The following MAS1 variants were observed in gnomAD, a reference collection of about 807,000 sequenced individuals.
MAS1 encodes proto-oncogene Mas.
For missense variants in MAS1, 387 were observed against 409.7 expected, an observed-to-expected ratio of 0.94 and a Z score of 0.48; for synonymous variants, 163 against 164.2, an observed-to-expected ratio of 0.99 and a Z score of 0.05.
At position 159,917,097 on chromosome 6, in the gene MAS1, A is replaced by T. The variant is rs1028423641; in HGVS notation, c.*9164A>T. ...GTGTTTTGGGAATTCCCCATTCTGA[A>T]ATGGTCTCCAGTGTGGCTGCAGCAC... On this transcript the variant is annotated 3_prime_UTR_variant, in exon 3 of 3. Transcript: ENST00000674077. Among the ~76,000 whole-genome samples, 1 of 152,098 alleles carries T rather than the reference A, an allele frequency of 6.6e-6. No homozygotes were observed. The highest frequency in any genetic ancestry group is 2.4e-5 in the African/African-American group (1 of 41,408).
intron 1 of MAS1, among the ~76,000 whole-genome samples, chr6:159,893,306 G>A (rs1298657544): frequency 2.6e-5 from 4 of 152,212 alleles, no homozygotes; most frequent in Non-Finnish European, 4.4e-5. Context: ...GTGCTGGGCA[G>A]GGCAGGATAT....
rs139821807 is a variant in MAS1 at position 159,908,361 on chromosome 6, A to C, written c.*428A>C. 8.5e-3 allele frequency: 1,318 copies of C among 154,304 alleles called. 13 individuals are homozygous for C. The highest frequency in any genetic ancestry group is 0.012 in the Non-Finnish European group (836 of 69,528). 9.6% of individuals were successfully genotyped at this position (154,304 alleles called of 1,614,324 possible). ...TTCTCACTCATAAAATGGTTGCGGC[A>C]ATAGTCTATACCTCCTTGGTCTGCT... On this transcript the variant is annotated 3_prime_UTR_variant, in exon 3 of 3. Coordinates refer to ENST00000674077, the MANE Select transcript of MAS1 (RefSeq NM_002377.4).
chr6:159,916,421 CACA>C lies in MAS1; in HGVS notation c.*8493_*8495del, dbSNP rs1374879430. The stretch of plus-strand genomic sequence containing the variant: ...ATGAAAATGTTCTGGGGATCTATTG[CACA>C]ACAATGGACATGTAGCTAACCCCAC... On this transcript the variant is annotated 3_prime_UTR_variant, in exon 3 of 3. Transcript: ENST00000674077. The C allele has an allele frequency of 5.3e-5, 8 of 152,230 alleles. No homozygotes were observed. The East Asian group carries it at 1.5e-3, about 29-fold the overall frequency. 9.4% of individuals were successfully genotyped at this position (152,230 alleles called of 1,614,324 possible).
chr6:159,907,013 G>T lies in MAS1; in HGVS notation c.58G>T (p.Gly20Cys), dbSNP rs757715611. The T allele has an allele frequency of 4.3e-6, 7 of 1,613,360 alleles. No homozygotes were observed. The South Asian group carries it at 7.7e-5, about 18-fold the overall frequency. ...TGAGGAACCCACGAACATCTCAACTGGCAGGAACGCCTCAGTCGGGAATGC... is the reference window on the plus strand; with the variant it reads ...TGAGGAACCCACGAACATCTCAACTTGCAGGAACGCCTCAGTCGGGAATGC... ...VVEEPTNIST[G>C]RNASVGNAHR... The change falls in exon 3 of 3, where the codon GGC becomes TGC. Residue 20 changes from glycine to cysteine, a missense_variant. Gly to Cys is a radical substitution (Grantham distance 159, BLOSUM62 -3). Transcript: ENST00000674077.
chr6:159,908,600 C>T lies in MAS1; in HGVS notation c.*667C>T, dbSNP rs1008809344. On this transcript the variant is annotated 3_prime_UTR_variant, in exon 3 of 3. Transcript: ENST00000674077. ...TTTTTACATGTTGAATGTAAATTTA[C>T]GAAGGTCTTCTTTTTGCTTGCAGCA... 1.3e-5 allele frequency: 2 copies of T among 151,114 alleles called. No homozygotes were observed. Among genetic ancestry groups the T allele is most frequent in the Admixed American group, 6.6e-5 (1 of 15,126 alleles). The allele number at this position is 151,114 out of a possible 1,614,324, so 9.4% of individuals were successfully genotyped here.
chr6:159,898,291 G>A (rs1262343299), intron 1 of MAS1, among the ~76,000 whole-genome samples: 1 of 151,966 alleles, frequency 6.6e-6, no homozygotes, highest in Non-Finnish European at 1.5e-5. Flanking sequence ...CTTAAGTATA[G>A]AGAGGCTGTA....
chr6:159,910,577 T>C lies in MAS1; in HGVS notation c.*2644T>C, dbSNP rs1005947256. The stretch of plus-strand genomic sequence containing the variant: ...CTCCTTGAGGGCAGGGACGTAGCTT[T>C]GCTCACTGCTGTAGCCCCAGCTTAT... On this transcript the variant is annotated 3_prime_UTR_variant, in exon 3 of 3. Transcript: ENST00000674077. 1.3e-5 allele frequency: 2 copies of C among 152,320 alleles called. No individual in the cohort carries two copies. The highest frequency in any genetic ancestry group is 6.5e-5 in the Admixed American group (1 of 15,292). 9.4% of individuals were successfully genotyped at this position (152,320 alleles called of 1,614,324 possible). A position where few individuals can be genotyped will look rare whatever the true frequency, so the allele number is the denominator to read the frequency against.
intron 2 of MAS1, among the ~76,000 whole-genome samples, chr6:159,905,360 G>C (rs572725345): frequency 6.6e-6 from 1 of 152,166 alleles, no homozygotes; most frequent in Non-Finnish European, 1.5e-5. Flanking sequence ...GTTCTTTTCC[G>C]GGTCTCTGTC....
Position 159,907,093 on chromosome 6 carries a change from G to A in MAS1, c.138G>A (p.Gly46=), listed in dbSNP as rs772645660. The change falls in exon 3 of 3, where the codon GGG becomes GGA. Residue 46 remains glycine (G), a synonymous_variant. Transcript: ENST00000674077. The part of the protein sequence containing the change: ...HWVIMSISPV[G]FVENGILLWF... ...TCATTATGAGCATCTCCCCAGTGGG[G>A]TTTGTTGAGAATGGGATTCTCCTCT... The A allele has an allele frequency of 3.7e-6, 6 of 1,614,206 alleles. No individual in the cohort carries two copies. Among genetic ancestry groups the A allele is most frequent in the East Asian group, 2.2e-5 (1 of 44,884 alleles).
rs1209100240 is a variant in MAS1 at position 159,907,303 on chromosome 6, C to G, written c.348C>G (p.Tyr116Ter). 12 of 1,614,212 alleles carry G rather than the reference C, an allele frequency of 7.4e-6. No individual in the cohort carries two copies. Among genetic ancestry groups the G allele is most frequent in the Non-Finnish European group, 1.0e-5 (12 of 1,180,052 alleles). The stretch of plus-strand genomic sequence containing the variant: ...TATCAGTGACTTTTCTGTTTGGCTA[C>G]AACACGGGCCTCTATCTGCTGACGG... ...VTLSVTFLFG[Y>*]NTGLYLLTAI... is the part of the protein sequence containing the mutation. Residue 116 changes from tyrosine (Y) to a stop codon, truncating the protein, a stop_gained, in exon 3 of 3, where the codon TAC (tyrosine) becomes TAG (stop). Transcript: ENST00000674077. LOFTEE classifies it low-confidence loss of function (END_TRUNC).
rs1290834488 is a variant in MAS1, at chr6:159,912,158, C to G, written c.*4225C>G. 1 of 152,306 alleles carries G rather than the reference C, an allele frequency of 6.6e-6. No individual in the cohort carries two copies. Among genetic ancestry groups the G allele is most frequent in the Admixed American group, 6.5e-5 (1 of 15,280 alleles). The allele number at this position is 152,306 out of a possible 1,614,324, so 9.4% of individuals were successfully genotyped here. ...AGATGAGCAACTGGAGAGCCACCAGCAGCCATCCCCTCTCTTTGTGCCTCA... is the reference window on the plus strand; with the variant it reads ...AGATGAGCAACTGGAGAGCCACCAGGAGCCATCCCCTCTCTTTGTGCCTCA... On this transcript the variant is annotated 3_prime_UTR_variant, in exon 3 of 3. Coordinates refer to ENST00000674077, the MANE Select transcript of MAS1 (RefSeq NM_002377.4).
chr6:159,895,532 C>T (rs1782745786), intron 1 of MAS1, among the ~76,000 whole-genome samples: 1 of 152,066 alleles, frequency 6.6e-6, no homozygotes. Flanking sequence ...GCCATATTTA[C>T]AAATGTTTCT....
In MAS1 at chr6:159,907,339, G is replaced by A. The variant is rs1338135646; in HGVS notation, c.384G>A (p.Val128=). ...TCTATCTGCTGACGGCCATTAGTGT[G>A]GAGAGGTGCCTGTCAGTCCTTTACC... is the stretch of plus-strand genomic sequence containing the variant. ...TGLYLLTAIS[V]ERCLSVLYPI... The change falls in exon 3 of 3, where the codon GTG becomes GTA. Residue 128 remains valine, a synonymous_variant. Transcript: ENST00000674077. 14 of 1,614,146 alleles carry A rather than the reference G, an allele frequency of 8.7e-6. No individual in the cohort carries two copies. Among genetic ancestry groups the A allele is most frequent in the Admixed American group, 1.7e-5 (1 of 60,022 alleles).
chr6:159,901,106 C>T (rs1194249415), intron 2 of MAS1, among the ~76,000 whole-genome samples: 3 of 152,158 alleles, frequency 2.0e-5, no homozygotes, highest in African/African-American at 7.2e-5. Flanking sequence ...TTCCTCTGTG[C>T]CCTCACAGAG....
Position 159,899,329 on chromosome 6 carries a change from A to G in MAS1, c.-100A>G, listed in dbSNP as rs932452737. ...GGTTTCCATTGCAGTGTAACTGACC[A>G]CTCCAGGGGCCACTGAGGGCTGTCA... is the stretch of plus-strand genomic sequence containing the variant. On this transcript the variant is annotated 5_prime_UTR_variant, in exon 2 of 3. Coordinates refer to ENST00000674077, the MANE Select transcript of MAS1 (RefSeq NM_002377.4). 1.3e-5 allele frequency: 2 copies of G among 152,036 alleles called. No homozygotes were observed. The highest frequency in any genetic ancestry group is 2.9e-5 in the Non-Finnish European group (2 of 68,020). The allele number at this position is 152,036 out of a possible 1,614,324, so 9.4% of individuals were successfully genotyped here.
intron 1 of MAS1, among the ~76,000 whole-genome samples, chr6:159,896,097 C>T (rs1301319625): frequency 6.6e-6 from 1 of 152,186 alleles, no homozygotes; most frequent in Non-Finnish European, 1.5e-5. Context: ...TCAGTTGAGT[C>T]CAAGAGTTTG....
chr6:159,889,112 G>A (rs971133603), upstream of MAS1, among the ~76,000 whole-genome samples: 3 of 152,130 alleles, frequency 2.0e-5, no homozygotes, highest in African/African-American at 7.2e-5. Context: ...CAACCCCTTT[G>A]GAGACTCTCT....
chr6:159,911,907 C>A lies in MAS1; in HGVS notation c.*3974C>A, dbSNP rs1782969690. The A allele has an allele frequency of 6.8e-6, 1 of 146,226 alleles. No homozygotes were observed. Among genetic ancestry groups the A allele is most frequent in the Non-Finnish European group, 1.5e-5 (1 of 66,470 alleles). 9.1% of individuals were successfully genotyped at this position (146,226 alleles called of 1,614,324 possible). A position where few individuals can be genotyped will look rare whatever the true frequency, so the allele number is the denominator to read the frequency against. ...GCCCCTCCCTGGCTAAGGTGATACC[C>A]TGGCTAAGATGCTCCAACCCCTTCC... On this transcript the variant is annotated 3_prime_UTR_variant, in exon 3 of 3. Transcript: ENST00000674077.
At position 159,907,514 on chromosome 6, in the gene MAS1, G is replaced by C. The variant is rs1428598226; in HGVS notation, c.559G>C (p.Val187Leu). 2 of 1,613,928 alleles carry C rather than the reference G, an allele frequency of 1.2e-6. No homozygotes were observed. The highest frequency in any genetic ancestry group is 1.7e-6 in the Non-Finnish European group (2 of 1,180,036). The stretch of plus-strand genomic sequence containing the variant: ...TCACTCTCGGAATGACTGCCGAGCA[G>C]TCATCATCTTTATAGCCATCCTGAG... ...ESHSRNDCRA[V>L]IIFIAILSFL... The change falls in exon 3 of 3, where the codon GTC becomes CTC. Residue 187 changes from valine (V) to leucine (L), a missense_variant. Val to Leu is a conservative substitution (Grantham distance 32). Transcript: ENST00000674077.
Sources: allele counts gnomAD v4.1 joint callset (sites outside exome capture counted in the v4.1 genomes callset), GRCh38; gene constraint gnomAD v4.1.1; transcripts MANE v1.5; gene names NCBI Gene and HGNC (gene_info 2026-07-23, HGNC 2026-07-21).